SMARCC1: variants seen among roughly 807,000 people sequenced by gnomAD.
The protein encoded by SMARCC1 is SWI/SNF related BAF chromatin remodeling complex subunit C1, also known as SWI/SNF complex subunit SMARCC1.
A neutral mutation model predicts 147.4 loss-of-function variants in SMARCC1; 43 were observed. The ratio of observed to expected loss-of-function variants is 0.29; its 90% confidence interval spans 0.23 to 0.38. SMARCC1 has a LOEUF of 0.38. Among genes scored for constraint, SMARCC1 ranks in the 10% least tolerant of loss-of-function variants. The pLI, the probability that SMARCC1 is intolerant of heterozygous loss-of-function variation, is 1.00. For synonymous variants in SMARCC1, 495 were observed against 484.4 expected, an observed-to-expected ratio of 1.02 and a Z score of -0.29; for missense variants, 1,119 against 1,381.1, an observed-to-expected ratio of 0.81 and a Z score of 3.01.
chr3:47,761,526 T>C (rs1338224451), intron 2 of SMARCC1, among the ~76,000 whole-genome samples: 1 of 152,162 alleles, frequency 6.6e-6, no homozygotes, highest in Non-Finnish European at 1.5e-5. Context: ...TACAGAGATC[T>C]GTGCCTCAGT....
At position 47,781,731 on chromosome 3, in the gene SMARCC1, C is replaced by T. The variant is rs761426245; in HGVS notation, c.67G>A (p.Ala23Thr). The T allele has an allele frequency of 6.4e-7, 1 of 1,554,546 alleles. No homozygotes were observed. The highest frequency in any genetic ancestry group is 1.2e-5 in the South Asian group (1 of 85,344). Residue 23 changes from alanine (A) to threonine (T), a missense_variant, in exon 1 of 28, where the codon GCG (alanine) becomes ACG (threonine). Transcript: ENST00000254480. ...AVGATGSGIA[A>T]AAAGLAVYRR... Reference sequence around the variant, plus strand: ...TAAACAGCTAGGCCTGCGGCTGCCGCCGCAATCCCCGAGCCCGTGGCGCCT... The same window carrying T: ...TAAACAGCTAGGCCTGCGGCTGCCGTCGCAATCCCCGAGCCCGTGGCGCCT...
At chr3:47,662,283 T>C in intron 20 of SMARCC1, 51 bp downstream of exon 20, 1 of 1,513,070 alleles carries the variant, frequency 6.6e-7, no homozygotes, top group South Asian at 1.2e-5. Context: ...ATATTTAAAT[T>C]GGGATAAACT....
chr3:47,691,128 T>C (rs1352763537), intron 12 of SMARCC1, among the ~76,000 whole-genome samples: 1 of 152,168 alleles, frequency 6.6e-6, no homozygotes, highest in Non-Finnish European at 1.5e-5. Flanking sequence ...TTAAATTATA[T>C]ATGATCCCTA....
intron 25 of SMARCC1, among the ~76,000 whole-genome samples, chr3:47,616,945 T>C (rs182013717): frequency 2.2e-4 from 33 of 152,338 alleles, no homozygotes; most frequent in Admixed American, 1.4e-3. Flanking sequence ...TAGGTTAAGA[T>C]GAGCAAGAGT....
chr3:47,768,710 ATACTT>A (rs1189045258), intron 2 of SMARCC1, among the ~76,000 whole-genome samples: 2 of 152,200 alleles, frequency 1.3e-5, no homozygotes, highest in African/African-American at 4.8e-5. Context: ...CAGGAAATGA[ATACTT>A]TAGCTGTAAA....
intron 14 of SMARCC1, among the ~76,000 whole-genome samples, chr3:47,683,860 A>AAAC (rs1366427508): frequency 2.0e-5 from 3 of 152,210 alleles, no homozygotes; most frequent in Admixed American, 6.5e-5. Flanking sequence ...GTTTTTAAAA[A>AAAC]AACAACAACA....
chr3:47,676,186 T>C (rs952758221), intron 17 of SMARCC1, among the ~76,000 whole-genome samples: 1 of 152,174 alleles, frequency 6.6e-6, no homozygotes, highest in Non-Finnish European at 1.5e-5. Flanking sequence ...CTATATATAA[T>C]TTGTTTGACA....
intron 21 of SMARCC1, 38 bp from the exon 22 acceptor site, chr3:47,638,818 G>C: frequency 1.4e-6 from 2 of 1,431,054 alleles, no homozygotes; most frequent in Non-Finnish European, 2.0e-6. Context: ...CTCCAATGTG[G>C]AAAAAGGTAA....
chr3:47,609,989 G>A (rs1412994350), intron 26 of SMARCC1, 77 bp downstream of exon 26: 3 of 1,477,238 alleles, frequency 2.0e-6, no homozygotes, highest in Non-Finnish European at 2.8e-6. Flanking sequence ...AACACCAACT[G>A]TGTGGTTGGC....
At chr3:47,699,607 G>C (rs2033894013) in intron 11 of SMARCC1, among the ~76,000 whole-genome samples, 1 of 151,078 alleles carries the variant, frequency 6.6e-6, no homozygotes. Flanking sequence ...TATGTATATT[G>C]CTCTATATGT....
At chr3:47,745,742 T>C (rs2106840566) in intron 3 of SMARCC1, among the ~76,000 whole-genome samples, 166 bp downstream of exon 3, 1 of 152,216 alleles carries the variant, frequency 6.6e-6, no homozygotes, top group African/African-American at 2.4e-5. Flanking sequence ...AATAAATAAA[T>C]ACGTGGTTGC....
chr3:47,769,189 T>G (rs2034876757), intron 2 of SMARCC1, among the ~76,000 whole-genome samples: 1 of 118,332 alleles, frequency 8.5e-6, no homozygotes, highest in Non-Finnish European at 1.6e-5. Context: ...CCAGCCTGGA[T>G]GACAGAGCGA....
intron 3 of SMARCC1, among the ~76,000 whole-genome samples, chr3:47,741,549 G>A (rs1191741891): frequency 6.6e-6 from 1 of 151,060 alleles, no homozygotes; most frequent in Non-Finnish European, 1.5e-5. Context: ...AAGAAAGCAA[G>A]AACAGCCTTT....
chr3:47,707,884 A>G (rs2034027871), intron 9 of SMARCC1, among the ~76,000 whole-genome samples: 1 of 152,130 alleles, frequency 6.6e-6, no homozygotes, highest in Non-Finnish European at 1.5e-5. Context: ...GTCTCATGCT[A>G]AAATGAAAAA....
At chr3:47,733,309 G>A (rs990165966) in intron 5 of SMARCC1, among the ~76,000 whole-genome samples, 2 of 152,152 alleles carry the variant, frequency 1.3e-5, no homozygotes, top group Admixed American at 6.5e-5. Flanking sequence ...CGGGTTCTGC[G>A]GCTCACGCCT....
At chr3:47,667,915 G>A (rs940084166) in intron 19 of SMARCC1, among the ~76,000 whole-genome samples, 1 of 152,020 alleles carries the variant, frequency 6.6e-6, no homozygotes, top group Non-Finnish European at 1.5e-5. Flanking sequence ...AGTGGCTCAC[G>A]TCTGTAATCT....
chr3:47,723,129 T>C (rs2034252581), intron 6 of SMARCC1, among the ~76,000 whole-genome samples: 1 of 152,146 alleles, frequency 6.6e-6, no homozygotes, highest in Non-Finnish European at 1.5e-5. Context: ...ATGAAAGATG[T>C]GCTCCTAGGC....
chr3:47,663,295 A>G (rs1296800002), intron 19 of SMARCC1, among the ~76,000 whole-genome samples: 1 of 151,262 alleles, frequency 6.6e-6, no homozygotes, highest in African/African-American at 2.4e-5. Flanking sequence ...TACAGACATG[A>G]CTGTTTATGT....
At position 47,586,487 on chromosome 3, in the gene SMARCC1, C is replaced by T. The variant is rs576444336; in HGVS notation, c.*1722G>A. 14 of 152,696 alleles carry T rather than the reference C, an allele frequency of 9.2e-5. No homozygotes were observed. The highest frequency in any genetic ancestry group is 3.1e-4 in the African/African-American group (13 of 41,560). 9.5% of individuals were successfully genotyped at this position (152,696 alleles called of 1,614,324 possible). A position where few individuals can be genotyped will look rare whatever the true frequency, so the allele number is the denominator to read the frequency against. ...AAAAACAAAAGGACCAAGGTCTCCT[C>T]GGTTCCCGTATTCCAGTACTCTGAT... On this transcript the variant is annotated 3_prime_UTR_variant, in exon 28 of 28. Coordinates refer to ENST00000254480, the MANE Select transcript of SMARCC1 (RefSeq NM_003074.4).
Sources: allele counts gnomAD v4.1 joint callset (sites outside exome capture counted in the v4.1 genomes callset), GRCh38; gene constraint gnomAD v4.1.1; transcripts MANE v1.5; gene names NCBI Gene and HGNC (gene_info 2026-07-23, HGNC 2026-07-21).